GRM3: variants seen among roughly 807,000 people sequenced by gnomAD.
GRM3 encodes metabotropic glutamate receptor 3.
A neutral mutation model predicts 70.5 loss-of-function variants in GRM3; 26 were observed. The ratio of observed to expected loss-of-function variants is 0.37; its 90% confidence interval spans 0.27 to 0.51. The LOEUF (loss-of-function observed/expected upper bound fraction) is 0.51. GRM3 is among the 20% of genes least tolerant of loss of function. The pLI is 0.93. For synonymous variants in GRM3, 443 were observed against 434.9 expected (o/e 1.02, Z -0.23); for missense variants, 859 against 1,123.8 (o/e 0.76, Z 3.37).
intron 2 of GRM3, among the ~76,000 whole-genome samples, chr7:86,783,638 G>A (rs937806626): frequency 6.6e-6 from 1 of 152,142 alleles, no homozygotes; most frequent in Non-Finnish European, 1.5e-5. Context: ...GGCTGAGGTG[G>A]ATGAGAAAGA....
intron 2 of GRM3, among the ~76,000 whole-genome samples, chr7:86,785,517 T>A (rs1166271516): frequency 1.3e-5 from 2 of 151,786 alleles, no homozygotes; most frequent in Non-Finnish European, 2.9e-5. Context: ...TAATTTTTTT[T>A]AATCAAAAAT....
intron 1 of GRM3, among the ~76,000 whole-genome samples, chr7:86,737,545 G>C (rs1795892010): frequency 6.6e-6 from 1 of 152,118 alleles, no homozygotes; most frequent in African/African-American, 2.4e-5. Flanking sequence ...CACAGTACCA[G>C]GCACATAATG....
chr7:86,840,254 CTAAT>C (rs1798535277), intron 4 of GRM3, among the ~76,000 whole-genome samples: 1 of 152,102 alleles, frequency 6.6e-6, no homozygotes, highest in Non-Finnish European at 1.5e-5. Flanking sequence ...AACTAAGAAT[CTAAT>C]TGTGAATCTA....
chr7:86,738,857 C>T (rs1795922685), intron 1 of GRM3, among the ~76,000 whole-genome samples: 1 of 152,170 alleles, frequency 6.6e-6, no homozygotes, highest in Admixed American at 6.5e-5. Context: ...AGCTAATTAA[C>T]ATATCCATTA....
At chr7:86,775,993 G>C (rs532604183) in intron 2 of GRM3, 1 of 151,558 alleles carries the variant, frequency 6.6e-6, no homozygotes, top group Non-Finnish European at 1.5e-5. Flanking sequence ...ATCAAATTAC[G>C]ACTTCCTGGA....
chr7:86,851,849 A>G (rs1344547259), intron 5 of GRM3, among the ~76,000 whole-genome samples: 3 of 152,188 alleles, frequency 2.0e-5, no homozygotes, highest in Non-Finnish European at 4.4e-5. Flanking sequence ...TGAGCAAACA[A>G]AGCTCTTTTT....
chr7:86,675,641 T>G (rs1794287820), intron 1 of GRM3, among the ~76,000 whole-genome samples: 1 of 152,122 alleles, frequency 6.6e-6, no homozygotes, highest in Non-Finnish European at 1.5e-5. Flanking sequence ...ACCATTATTC[T>G]AAAGAATTAT....
intron 1 of GRM3, among the ~76,000 whole-genome samples, chr7:86,703,645 G>A (rs554224733): frequency 1.3e-5 from 2 of 152,024 alleles, no homozygotes; most frequent in East Asian, 3.9e-4. Flanking sequence ...CTCTAGGAAT[G>A]TGTATTCATT....
chr7:86,679,038 A>G (rs1794377018), intron 1 of GRM3, among the ~76,000 whole-genome samples: 1 of 150,574 alleles, frequency 6.6e-6, no homozygotes, highest in African/African-American at 2.4e-5. Context: ...ATAGGATAGA[A>G]GTACATATTA....
intron 1 of GRM3, among the ~76,000 whole-genome samples, chr7:86,656,132 T>C (rs917936015): frequency 2.0e-5 from 3 of 152,110 alleles, no homozygotes; most frequent in Admixed American, 6.6e-5. Flanking sequence ...GCCAGTCCAA[T>C]GCAGCAATCT....
At position 86,839,197 on chromosome 7, in the gene GRM3, A is replaced by G; in HGVS notation, c.1683A>G (p.Gly561=). ...AGTGGCCCACTGCAGACCTAACTGGATGCTATGACCTTCCTGAGGACTACA... is the reference window on the plus strand; with the variant it reads ...AGTGGCCCACTGCAGACCTAACTGGGTGCTATGACCTTCCTGAGGACTACA... The part of the protein sequence containing the change: ...SGQWPTADLT[G]CYDLPEDYIR... The change falls in exon 4 of 6, where the codon GGA becomes GGG. Residue 561 remains glycine (G), a synonymous_variant. Coordinates refer to ENST00000361669, the MANE Select transcript of GRM3 (RefSeq NM_000840.3). The surrounding 1 kb of genome is among the most constrained non-coding windows in gnomAD (Gnocchi z 4.5). 1 of 1,613,684 alleles carries G rather than the reference A, an allele frequency of 6.2e-7. No individual in the cohort carries two copies. The highest frequency in any genetic ancestry group is 8.5e-7 in the Non-Finnish European group (1 of 1,179,600).
rs553548973 is a variant in GRM3, at chr7:86,745,620, G to A, written c.-140-19386G>A. ...AGAGCTTCTCATGAAGAGCTTAGGA[G>A]AATAGGAAATTGGGCTTTGGGCTTT... On this transcript the variant is annotated intron_variant, in intron 1 of 5. Transcript: ENST00000361669. 3.9e-5 allele frequency among the ~76,000 whole-genome samples: 6 copies of A among 152,218 alleles called. No homozygotes were observed. The South Asian group carries it at 1.2e-3, about 32-fold the overall frequency.
chr7:86,804,061 C>A (rs1488025607), intron 3 of GRM3, among the ~76,000 whole-genome samples: 1 of 152,126 alleles, frequency 6.6e-6, no homozygotes, highest in Non-Finnish European at 1.5e-5. Context: ...AAGAACCCCT[C>A]CTGGAGTAGA....
At chr7:86,646,013 G>A (rs1793460488) in intron 1 of GRM3, among the ~76,000 whole-genome samples, 3 of 70,002 alleles carry the variant, frequency 4.3e-5, no homozygotes, top group South Asian at 6.1e-4. Flanking sequence ...GGGTGGGGGG[G>A]GGTGGGAGGG....
chr7:86,785,839 C>T (rs1405419981), intron 2 of GRM3, among the ~76,000 whole-genome samples: 1 of 151,890 alleles, frequency 6.6e-6, no homozygotes, highest in Non-Finnish European at 1.5e-5. Context: ...TTAGACAACA[C>T]CCTTGCTCTT....
At chr7:86,747,846 T>C (rs943231539) in intron 1 of GRM3, among the ~76,000 whole-genome samples, 1 of 152,076 alleles carries the variant, frequency 6.6e-6, no homozygotes, top group African/African-American at 2.4e-5. Flanking sequence ...AATAGCAGGA[T>C]GTAATTTGAA....
rs547483883 is a variant in GRM3, at chr7:86,707,305, G to A, written c.-140-57701G>A. Among the ~76,000 whole-genome samples, 5 of 152,140 alleles carry A rather than the reference G, an allele frequency of 3.3e-5. No individual in the cohort carries two copies. The East Asian group carries it at 7.7e-4, about 24-fold the overall frequency. Reference sequence around the variant, plus strand: ...AATATCCTTCACTTACTTGCAGTGTGAACTTAGGCAGCTTGCTAAGTTCTC... The same window carrying A: ...AATATCCTTCACTTACTTGCAGTGTAAACTTAGGCAGCTTGCTAAGTTCTC... On this transcript the variant is annotated intron_variant, in intron 1 of 5. Transcript: ENST00000361669.
At chr7:86,857,720 C>G (rs1289705878) in intron 5 of GRM3, among the ~76,000 whole-genome samples, 1 of 152,128 alleles carries the variant, frequency 6.6e-6, no homozygotes, top group African/African-American at 2.4e-5. Flanking sequence ...ATCTGAGCCT[C>G]AGGGTGAAAA....
chr7:86,734,079 G>A (rs1795800762), intron 1 of GRM3, among the ~76,000 whole-genome samples: 1 of 152,192 alleles, frequency 6.6e-6, no homozygotes, highest in Admixed American at 6.5e-5. Flanking sequence ...ATTTAGGAAA[G>A]TAGCCAAAGA....
Sources: gnomAD v4.1 joint callset for allele counts (sites outside exome capture counted in the v4.1 genomes callset) on GRCh38, gnomAD v4.1.1 for gene constraint, Gnocchi (gnomAD v3.1) non-coding constraint, MANE v1.5 for transcripts, NCBI Gene and HGNC (gene_info 2026-07-23, HGNC 2026-07-21) for gene names.